ABCG2: variants seen among roughly 807,000 people sequenced by gnomAD.
The protein encoded by ABCG2 is ATP binding cassette subfamily G member 2 (JR blood group).
ABCG2 carries 80 observed loss-of-function variants against 73.5 expected under a neutral mutation model. The ratio of observed to expected loss-of-function variants is 1.09; its 90% CI spans 0.91 to 1.31. The LOEUF (loss-of-function observed/expected upper bound fraction) is 1.31, where lower values mean the gene tolerates loss of function less well. Ranked by LOEUF, ABCG2 falls within the 50% of genes most tolerant of loss-of-function variation. The pLI, the probability that ABCG2 is intolerant of heterozygous loss-of-function variation, is 0.00. For synonymous variants in ABCG2, 269 were observed against 282.4 expected (o/e 0.95, Z 0.48); for missense variants, 796 against 786.2 (o/e 1.01, Z -0.15).
chr4:88,218,029 C>G (rs1729879548), intron 1 of ABCG2, among the ~76,000 whole-genome samples: 1 of 151,374 alleles, frequency 6.6e-6, no homozygotes, highest in Admixed American at 6.6e-5. Context: ...TAGAATGTTT[C>G]TGCTATCCTC....
intron 1 of ABCG2, among the ~76,000 whole-genome samples, chr4:88,191,870 C>T (rs1728706382): frequency 1.3e-5 from 2 of 152,102 alleles, no homozygotes; most frequent in African/African-American, 4.8e-5. Context: ...TATAGGATTC[C>T]ATTTAATGAA....
At chr4:88,180,088 G>A (rs1728172477) in intron 1 of ABCG2, among the ~76,000 whole-genome samples, 1 of 151,990 alleles carries the variant, frequency 6.6e-6, no homozygotes, top group African/African-American at 2.4e-5. Context: ...GGGGGTTACA[G>A]AACACCAAGC....
chr4:88,231,172 G>A (rs72554040), exon 1 of ABCG2: 14,241 of 152,126 alleles, frequency 0.094, 1,000 homozygotes, highest in East Asian at 0.38. Context: ...TGCTCTTGGG[G>A]CAGGAGAAAG....
intron 1 of ABCG2, among the ~76,000 whole-genome samples, chr4:88,230,307 A>AT (rs70959615): frequency 1.9e-5 from 1 of 51,468 alleles, no homozygotes; most frequent in African/African-American, 1.1e-4. Flanking sequence ...ATATATATAT[A>AT]TTTTTTTTTT....
rs118030135 is a variant in ABCG2 at position 88,120,725 on chromosome 4, G to A, written c.689+910C>T. On this transcript the variant is annotated intron_variant, in intron 6 of 15. Coordinates refer to ENST00000237612, the MANE Select transcript of ABCG2 (RefSeq NM_004827.3). ...TACTAACTTGCTTTTGATTTTACAG[G>A]CCCATAGGTGGATGGAACTTGCCCT... Among the ~76,000 whole-genome samples the A allele has an allele frequency of 5.1e-4, 78 of 152,180 alleles. No individual in the cohort carries two copies. The East Asian group carries it at 0.014, about 27-fold the overall frequency.
chr4:88,167,790 A>G (rs1332621842), intron 1 of ABCG2, among the ~76,000 whole-genome samples: 1 of 152,204 alleles, frequency 6.6e-6, no homozygotes, highest in Non-Finnish European at 1.5e-5. Flanking sequence ...CCTTCAGATC[A>G]GTACCTAGAT....
chr4:88,121,887 T>C, intron 5 of ABCG2, 95 bp from the exon 6 acceptor site: 1 of 1,209,926 alleles, frequency 8.3e-7, no homozygotes, highest in Non-Finnish European at 1.2e-6. Context: ...AGACACTTTA[T>C]CTCATTAAGT....
At chr4:88,143,368 T>C (rs1725770416) in intron 1 of ABCG2, among the ~76,000 whole-genome samples, 1 of 152,176 alleles carries the variant, frequency 6.6e-6, no homozygotes, top group South Asian at 2.1e-4. Flanking sequence ...CCATTTGATG[T>C]TCCTTCAGCC....
intron 8 of ABCG2, among the ~76,000 whole-genome samples, 175 bp from the exon 9 acceptor site, chr4:88,113,728 T>G (rs113410835): frequency 1.2e-4 from 18 of 151,282 alleles, no homozygotes; most frequent in Admixed American, 3.9e-4. Context: ...TTTGGGAGGC[T>G]GAGGCGGGTG....
intron 7 of ABCG2, among the ~76,000 whole-genome samples, chr4:88,117,020 T>C (rs1723623597): frequency 6.6e-6 from 1 of 152,142 alleles, no homozygotes; most frequent in East Asian, 1.9e-4. Context: ...CTGCAATCTA[T>C]AGTTACCAGA....
chr4:88,187,140 G>A (rs918955785), intron 1 of ABCG2, among the ~76,000 whole-genome samples: 1 of 148,712 alleles, frequency 6.7e-6, no homozygotes, highest in African/African-American at 2.5e-5. Flanking sequence ...ACCAGAGACT[G>A]GGAAGGTAGT....
chr4:88,137,409 T>C (rs1381650208), intron 2 of ABCG2, among the ~76,000 whole-genome samples: 1 of 152,138 alleles, frequency 6.6e-6, no homozygotes, highest in Non-Finnish European at 1.5e-5. Flanking sequence ...CACTAATCAA[T>C]TACCAAGGGG....
intron 1 of ABCG2, among the ~76,000 whole-genome samples, chr4:88,218,596 C>T (rs1729897362): frequency 6.6e-6 from 1 of 152,178 alleles, no homozygotes; most frequent in Non-Finnish European, 1.5e-5. Flanking sequence ...CCCTCACCCC[C>T]TTCCCACCCT....
rs750834443 is a variant in ABCG2 at position 88,094,559 on chromosome 4, C to CA, written c.1820+17dup. On this transcript the variant is annotated intron_variant, in intron 15 of 15. Transcript: ENST00000237612. ...ATGGTAGTAACAAAACCCATTTTGA[C>CA]ACTGAACAAAAACTTACGTTGCATA... 8.1e-6 allele frequency: 13 copies of CA among 1,604,292 alleles called. No homozygotes were observed. The highest frequency in any genetic ancestry group is 1.1e-5 in the Non-Finnish European group (13 of 1,171,128).
At chr4:88,097,321 T>C (rs766765703) in intron 13 of ABCG2, 132 bp downstream of exon 13, 47 of 970,288 alleles carry the variant, frequency 4.8e-5, no homozygotes, top group Non-Finnish European at 6.6e-5. Flanking sequence ...TCTATTCCAG[T>C]AGATGGCCTT....
chr4:88,195,587 G>C (rs1308172812), intron 1 of ABCG2, among the ~76,000 whole-genome samples: 2 of 152,208 alleles, frequency 1.3e-5, no homozygotes, highest in African/African-American at 2.4e-5. Flanking sequence ...ACAACTTTTA[G>C]AGCAGGAGTA....
chr4:88,107,827 G>A lies in ABCG2; in HGVS notation c.1195-561C>T, dbSNP rs183315559. On this transcript the variant is annotated intron_variant, in intron 9 of 15. Coordinates refer to ENST00000237612, the MANE Select transcript of ABCG2 (RefSeq NM_004827.3). ...GGAATTTTGCACAGTGAGGAAATAG[G>A]GGTGAGATGGAGCCTGCCTATCCAA... Among the ~76,000 whole-genome samples, 9 of 152,274 alleles carry A rather than the reference G, an allele frequency of 5.9e-5. No homozygotes were observed. The East Asian group carries it at 1.5e-3, about 26-fold the overall frequency.
intron 1 of ABCG2, among the ~76,000 whole-genome samples, chr4:88,195,065 T>G (rs770406118): frequency 6.6e-6 from 1 of 152,206 alleles, no homozygotes; most frequent in Non-Finnish European, 1.5e-5. Flanking sequence ...TATACTTCTT[T>G]TACACATTTA....
At chr4:88,183,844 C>T (rs1366888019) in intron 1 of ABCG2, among the ~76,000 whole-genome samples, 2 of 151,642 alleles carry the variant, frequency 1.3e-5, no homozygotes, top group Admixed American at 1.3e-4. Flanking sequence ...TTCAACAATA[C>T]ATTGAAAACA....
Sources: gnomAD v4.1 joint callset for allele counts (sites outside exome capture counted in the v4.1 genomes callset) on GRCh38, gnomAD v4.1.1 for gene constraint, MANE v1.5 for transcripts, NCBI Gene and HGNC (gene_info 2026-07-23, HGNC 2026-07-21) for gene names.